The following XYLT1 variants were observed in gnomAD, a reference collection of about 807,000 sequenced individuals.
The protein encoded by XYLT1 is xylosyltransferase 1, also known as beta-D-xylosyltransferase 1.
A neutral mutation model predicts 91.3 loss-of-function variants in XYLT1; 36 were observed. The observed-to-expected ratio is 0.39, with a 90% CI of 0.30 to 0.52. XYLT1 has a LOEUF of 0.52. Among genes scored for constraint, XYLT1 ranks in the 20% least tolerant of loss-of-function variants. The pLI is 0.68. For missense variants in XYLT1, 1,242 were observed against 1,284.5 expected (o/e 0.97, Z 0.51); for synonymous variants, 588 against 532.0 (o/e 1.11, Z -1.45).
At chr16:17,305,183 C>T (rs2034452996) in intron 2 of XYLT1, among the ~76,000 whole-genome samples, 1 of 152,100 alleles carries the variant, frequency 6.6e-6, no homozygotes, top group African/African-American at 2.4e-5. Context: ...AGGATGCCCC[C>T]TTGTCTTGAC....
At chr16:17,316,212 C>T (rs563610158) in intron 2 of XYLT1, among the ~76,000 whole-genome samples, 1 of 152,192 alleles carries the variant, frequency 6.6e-6, no homozygotes, top group South Asian at 2.1e-4. Flanking sequence ...CTTTGAACAC[C>T]ACATGGAGAA....
intron 5 of XYLT1, among the ~76,000 whole-genome samples, chr16:17,187,385 C>T (rs1312334476): frequency 8.6e-6 from 1 of 116,758 alleles, no homozygotes; most frequent in African/African-American, 3.4e-5. Context: ...CAGAGCAAGA[C>T]TCAGTTTCAA....
At chr16:17,210,035 G>C (rs1429026259) in intron 3 of XYLT1, among the ~76,000 whole-genome samples, 1 of 152,096 alleles carries the variant, frequency 6.6e-6, no homozygotes, top group Non-Finnish European at 1.5e-5. Context: ...GCTGGGACTA[G>C]AGGCATGAAC....
At chr16:17,443,685 C>G (rs996537395) in intron 1 of XYLT1, among the ~76,000 whole-genome samples, 3 of 152,178 alleles carry the variant, frequency 2.0e-5, no homozygotes, top group Non-Finnish European at 4.4e-5. Context: ...ACATGACAGG[C>G]ATTAGAAACG....
chr16:17,200,635 C>T lies in XYLT1; in HGVS notation c.933G>A (p.Val311=). ...ACTCCACGGAGTCCTCGTCCCACTG[C>T]ACGTTCTTGTTGGCTTTACCTGGGG... The part of the protein sequence containing the change: ...CPLEGKANKN[V]QWDEDSVEYM... Residue 311 remains valine (V), a synonymous_variant, in exon 4 of 12, where the codon GTG becomes GTA. Transcript: ENST00000261381. The T allele has an allele frequency of 3.7e-6, 6 of 1,613,662 alleles. No individual in the cohort carries two copies. The highest frequency in any genetic ancestry group is 5.1e-6 in the Non-Finnish European group (6 of 1,179,606).
rs2036561310 is a variant in XYLT1, at chr16:17,443,872, T to C, written c.363+26562A>G. Among the ~76,000 whole-genome samples, 3 of 152,200 alleles carry C rather than the reference T, an allele frequency of 2.0e-5. No individual in the cohort carries two copies. The South Asian group carries it at 6.2e-4, about 32-fold the overall frequency. ...GAAAGCTCAAAGCTGATCCTTTTCC[T>C]GCTTTGAGCTCCCAATACTTTTCCA... is the stretch of plus-strand genomic sequence containing the variant. On this transcript the variant is annotated intron_variant, in intron 1 of 11. Transcript: ENST00000261381.
intron 3 of XYLT1, among the ~76,000 whole-genome samples, chr16:17,205,974 A>G (rs189193324): frequency 5.6e-4 from 85 of 152,194 alleles, no homozygotes; most frequent in African/African-American, 2.0e-3. Context: ...TATGCAAATG[A>G]GGCTTGGGTT....
At chr16:17,311,454 G>T (rs1486598694) in intron 2 of XYLT1, among the ~76,000 whole-genome samples, 1 of 152,164 alleles carries the variant, frequency 6.6e-6, no homozygotes, top group Admixed American at 6.5e-5. Context: ...GAGTCTGGGG[G>T]TGGCAGGTGA....
chr16:17,342,452 C>T (rs1051319485), intron 2 of XYLT1, among the ~76,000 whole-genome samples: 42 of 152,134 alleles, frequency 2.8e-4, no homozygotes, highest in Non-Finnish European at 1.2e-4. Context: ...TTGGGCGTGG[C>T]GGCTCATGCC....
intron 3 of XYLT1, among the ~76,000 whole-genome samples, chr16:17,239,201 C>G (rs959116347): frequency 7.3e-6 from 1 of 136,580 alleles, no homozygotes; most frequent in East Asian, 2.1e-4. Context: ...CCCTGTAATT[C>G]ATCCATCCAT....
At chr16:17,333,516 A>T (rs566918142) in intron 2 of XYLT1, among the ~76,000 whole-genome samples, 29 of 151,958 alleles carry the variant, frequency 1.9e-4, no homozygotes, top group African/African-American at 6.5e-4. Flanking sequence ...ATGATTCTGG[A>T]GGGTTGCTAG....
At chr16:17,184,160 G>A (rs1176708410) in intron 5 of XYLT1, among the ~76,000 whole-genome samples, 5 of 148,148 alleles carry the variant, frequency 3.4e-5, no homozygotes, top group African/African-American at 1.0e-4. Flanking sequence ...CTTGGCCACC[G>A]GAGAAAAAGT....
rs561567202 is a variant in XYLT1 at position 17,334,796 on chromosome 16, T to A, written c.402+23216A>T. On this transcript the variant is annotated intron_variant, in intron 2 of 11. Transcript: ENST00000261381. ...TACTCGGGAGGCTGAGGCAGGAGAA[T>A]GGCGTGAACCTAGGAGGCGGAGCTT... 3.2e-4 allele frequency among the ~76,000 whole-genome samples: 48 copies of A among 152,164 alleles called. No homozygotes were observed. In the South Asian group the frequency reaches 1.0e-2, roughly 32 times the overall value.
chr16:17,366,756 G>C (rs1157773934), intron 1 of XYLT1, among the ~76,000 whole-genome samples: 1 of 152,114 alleles, frequency 6.6e-6, no homozygotes, highest in African/African-American at 2.4e-5. Flanking sequence ...GGCACCAAAA[G>C]CCCCATTTTA....
chr16:17,138,698 T>TGCAA (rs1457714613), intron 7 of XYLT1, 167 bp from the exon 8 acceptor site: 3 of 665,818 alleles, frequency 4.5e-6, no homozygotes, highest in Non-Finnish European at 4.9e-6. Flanking sequence ...CTTGCAGAAC[T>TGCAA]GCAAGCCAAA....
intron 8 of XYLT1, among the ~76,000 whole-genome samples, chr16:17,137,853 C>T (rs1284517022): frequency 6.6e-6 from 1 of 152,186 alleles, no homozygotes; most frequent in African/African-American, 2.4e-5. Context: ...GGTTTCTCAA[C>T]CAGAGGTGCT....
intron 1 of XYLT1, among the ~76,000 whole-genome samples, chr16:17,364,200 C>A (rs2035418940): frequency 6.6e-6 from 1 of 152,204 alleles, no homozygotes; most frequent in Non-Finnish European, 1.5e-5. Context: ...CTTCTGTGAG[C>A]TTTATTTTTC....
At chr16:17,238,681 A>G (rs542081854) in intron 3 of XYLT1, among the ~76,000 whole-genome samples, 2 of 152,296 alleles carry the variant, frequency 1.3e-5, no homozygotes, top group South Asian at 2.1e-4. Flanking sequence ...TTCAGCATCT[A>G]TGCTTCTTAT....
chr16:17,395,453 T>A (rs2035871785), intron 1 of XYLT1, among the ~76,000 whole-genome samples: 1 of 152,180 alleles, frequency 6.6e-6, no homozygotes, highest in Admixed American at 6.5e-5. Context: ...AAGGCTGCAG[T>A]GAGCCATGAT....
Sources: gnomAD v4.1 joint callset for allele counts (sites outside exome capture counted in the v4.1 genomes callset) on GRCh38, gnomAD v4.1.1 for gene constraint, MANE v1.5 for transcripts, NCBI Gene and HGNC (gene_info 2026-07-23, HGNC 2026-07-21) for gene names.